Variants in MYH11 observed in about 807,000 individuals in gnomAD.
The protein encoded by MYH11 is myosin heavy chain 11, also known as myosin-11.
In MYH11, 80 loss-of-function variants were observed where a neutral mutation model predicts 246.6. The observed-to-expected ratio is 0.32, with a 90% CI of 0.27 to 0.39. MYH11 has a LOEUF of 0.39. Ranked by LOEUF, MYH11 falls within the 10% of genes least tolerant of loss-of-function variation. The pLI, the probability that MYH11 is intolerant of heterozygous loss-of-function variation, is 1.00. For missense variants in MYH11, 2,158 were observed against 2,546.8 expected (o/e 0.85, Z 3.29); for synonymous variants, 1,071 against 1,015.5 (o/e 1.05, Z -1.04).
At chr16:15,756,589 T>C (rs1362057269) in intron 13 of MYH11, 75 bp from the exon 14 acceptor site, 3 of 1,503,394 alleles carry the variant, frequency 2.0e-6, no homozygotes, top group East Asian at 2.3e-5. Flanking sequence ...TGGCCAACTA[T>C]ACACAACGCA....
chr16:15,776,738 G>T (rs1461046988), intron 7 of MYH11, among the ~76,000 whole-genome samples: 1 of 152,192 alleles, frequency 6.6e-6, no homozygotes, highest in Non-Finnish European at 1.5e-5. Context: ...TTCCAAGAGT[G>T]GGGTCTGACG....
chr16:15,818,460 T>G, intron 3 of MYH11, among the ~76,000 whole-genome samples: 1 of 152,120 alleles, frequency 6.6e-6, no homozygotes, highest in East Asian at 1.9e-4. Flanking sequence ...TGAGATGGAG[T>G]CTCGCTTTGT....
intron 2 of MYH11, among the ~76,000 whole-genome samples, chr16:15,832,308 T>C (rs180753412): frequency 5.1e-4 from 78 of 152,234 alleles, no homozygotes; most frequent in Non-Finnish European, 9.0e-4. Context: ...CTCTGGATCA[T>C]GATTTTCCCA....
At chr16:15,832,658 A>T (rs1300966420) in intron 2 of MYH11, among the ~76,000 whole-genome samples, 1 of 152,234 alleles carries the variant, frequency 6.6e-6, no homozygotes, top group African/African-American at 2.4e-5. Context: ...TCATTAGTCT[A>T]GCACCTAGTT....
chr16:15,725,447 C>T (rs2040706282), intron 28 of MYH11: 1 of 444,476 alleles, frequency 2.2e-6, no homozygotes, highest in Non-Finnish European at 3.9e-6. Context: ...CTTCCTTCCT[C>T]ACTCCTACTC....
At chr16:15,732,440 A>G in intron 27 of MYH11, 124 bp downstream of exon 27, 2 of 1,395,400 alleles carry the variant, frequency 1.4e-6, no homozygotes, top group Non-Finnish European at 2.0e-6. Context: ...AGCTGCTATC[A>G]TCATCATTAG....
At chr16:15,844,027 A>G (rs2044124471) in intron 1 of MYH11, among the ~76,000 whole-genome samples, 1 of 152,182 alleles carries the variant, frequency 6.6e-6, no homozygotes, top group Non-Finnish European at 1.5e-5. Context: ...CTGACTAGAC[A>G]TTATAAACAT....
chr16:15,798,738 C>G, intron 3 of MYH11, 51 bp from the exon 4 acceptor site: 1 of 1,595,372 alleles, frequency 6.3e-7, no homozygotes, highest in Non-Finnish European at 8.6e-7. Context: ...GAGCTCTGAG[C>G]TAAGGGTCTG....
intron 1 of MYH11, among the ~76,000 whole-genome samples, chr16:15,842,113 G>T (rs2044067970): frequency 6.6e-6 from 1 of 152,200 alleles, no homozygotes; most frequent in East Asian, 1.9e-4. Context: ...GCTGCTGGGT[G>T]CAGTGGCTCA....
At chr16:15,784,463 C>G (rs1478338752) in intron 5 of MYH11, among the ~76,000 whole-genome samples, 1 of 152,096 alleles carries the variant, frequency 6.6e-6, no homozygotes, top group Non-Finnish European at 1.5e-5. Flanking sequence ...GAGCGCAACC[C>G]TGGGGACTCC....
In MYH11 at chr16:15,721,286, G is replaced by C. The variant is rs1192166776; in HGVS notation, c.4578+136C>G. 3.6e-6 allele frequency: 4 copies of C among 1,116,400 alleles called. No homozygotes were observed. In the African/African-American group the frequency reaches 6.2e-5, roughly 17 times the overall value. The allele number at this position is 1,116,400 out of a possible 1,614,324, so 69.2% of individuals were successfully genotyped here. ...TCAGCCCCTCCCAGCCCCTGCACCA[G>C]TCCAAAAACCTCCTTCCATTTCCGA... On this transcript the variant is annotated intron_variant, in intron 32 of 40. Coordinates refer to ENST00000300036, the MANE Select transcript of MYH11 (RefSeq NM_002474.3).
At chr16:15,721,288 C>A in intron 32 of MYH11, 134 bp downstream of exon 32, 2 of 1,136,232 alleles carry the variant, frequency 1.8e-6, no homozygotes, top group South Asian at 1.3e-5. Flanking sequence ...CTGCACCAGT[C>A]CAAAAACCTC....
At chr16:15,790,200 G>A (rs1385972230) in intron 4 of MYH11, among the ~76,000 whole-genome samples, 1 of 152,184 alleles carries the variant, frequency 6.6e-6, no homozygotes, top group Non-Finnish European at 1.5e-5. Flanking sequence ...AGCTACTTGG[G>A]GAGCTGAGGC....
chr16:15,845,140 C>T (rs549681817), intron 1 of MYH11, among the ~76,000 whole-genome samples: 18 of 152,262 alleles, frequency 1.2e-4, no homozygotes, highest in African/African-American at 3.9e-4. Flanking sequence ...GGGGACCTAA[C>T]GGGTGCCCTG....
intron 2 of MYH11, among the ~76,000 whole-genome samples, chr16:15,831,256 G>A (rs2043728149): frequency 6.6e-6 from 1 of 152,104 alleles, no homozygotes; most frequent in Non-Finnish European, 1.5e-5. Context: ...AAGGGGAACT[G>A]GAAGGGCGAG....
At chr16:15,775,758 C>T in intron 8 of MYH11, 1 of 353,934 alleles carries the variant, frequency 2.8e-6, no homozygotes, top group Non-Finnish European at 5.2e-6. Context: ...TGTCTTTCTC[C>T]CTTTCCTTGA....
At chr16:15,843,472 C>T (rs920930896) in intron 1 of MYH11, among the ~76,000 whole-genome samples, 1 of 149,922 alleles carries the variant, frequency 6.7e-6, no homozygotes. Flanking sequence ...GGGCAGATCA[C>T]GAAGTCAAGA....
intron 2 of MYH11, among the ~76,000 whole-genome samples, chr16:15,824,119 AT>A (rs34396359): frequency 0.45 from 68,354 of 151,622 alleles, 16,233 homozygotes; most frequent in African/African-American, 0.61. Flanking sequence ...AATGCTCATC[AT>A]TTAACAGGTG....
intron 15 of MYH11, among the ~76,000 whole-genome samples, chr16:15,751,083 G>A (rs542495345): frequency 6.6e-6 from 1 of 151,834 alleles, no homozygotes; most frequent in Non-Finnish European, 1.5e-5. Flanking sequence ...CTCCGAGATA[G>A]CCTGGCACAT....
Sources: gnomAD v4.1 joint callset for allele counts (sites outside exome capture counted in the v4.1 genomes callset) on GRCh38, gnomAD v4.1.1 for gene constraint, MANE v1.5 for transcripts, NCBI Gene and HGNC (gene_info 2026-07-23, HGNC 2026-07-21) for gene names.